LENG8: variants seen among roughly 807,000 people sequenced by gnomAD.
LENG8 encodes the protein leukocyte receptor cluster (LRC) member 8.
A neutral mutation model predicts 102.1 loss-of-function variants in LENG8; 28 were observed. The observed-to-expected ratio is 0.27, with a 90% CI of 0.20 to 0.38. The LOEUF (loss-of-function observed/expected upper bound fraction) is 0.38. Ranked by LOEUF, LENG8 falls within the 10% of genes least tolerant of loss-of-function variation. LENG8 has a pLI of 1.00. For missense variants in LENG8, 1,022 were observed against 1,113.9 expected (o/e 0.92, Z 1.17); for synonymous variants, 531 against 456.7 (o/e 1.16, Z -2.07).
At chr19:54,452,064 G>A in intron 2 of LENG8, 29 bp from the exon 3 acceptor site, 5 of 1,592,196 alleles carry the variant, frequency 3.1e-6, no homozygotes, top group Non-Finnish European at 4.3e-6. Context: ...GGGAGAACAG[G>A]TGTGACTTGA....
chr19:54,455,934 G>A, intron 8 of LENG8, 33 bp from the exon 9 acceptor site: 1 of 1,590,120 alleles, frequency 6.3e-7, no homozygotes, highest in Non-Finnish European at 8.6e-7. Flanking sequence ...TGTCTGGCGG[G>A]GTTGGTGACG....
chr19:54,450,761 C>T (rs1186499844), intron 1 of LENG8, among the ~76,000 whole-genome samples: 1 of 152,082 alleles, frequency 6.6e-6, no homozygotes, highest in Non-Finnish European at 1.5e-5. Flanking sequence ...GCTGGGATTA[C>T]AGGCATATGC....
At chr19:54,458,263 G>C in intron 14 of LENG8, 31 bp downstream of exon 14, 1 of 1,613,792 alleles carries the variant, frequency 6.2e-7, no homozygotes, top group East Asian at 2.2e-5. Context: ...CAGAGGCCAT[G>C]GTACCCAGGG....
At position 54,451,295 on chromosome 19, in the gene LENG8, GAAAAA is replaced by G; in HGVS notation, c.-49_-45del. On this transcript the variant is annotated 5_prime_UTR_variant, in exon 2 of 16. Transcript: ENST00000326764. ...ACTCATTCTTTTTCTCATAGACAGT[GAAAAA>G]GCAGTCTGGCTCCCGAGGTCCACCC... 4 of 1,603,904 alleles carry G rather than the reference GAAAAA, an allele frequency of 2.5e-6. No individual in the cohort carries two copies. The highest frequency in any genetic ancestry group is 3.4e-6 in the Non-Finnish European group (4 of 1,170,740).
chr19:54,455,667 C>G (rs1193997479), intron 8 of LENG8, 100 bp downstream of exon 8: 58 of 1,154,846 alleles, frequency 5.0e-5, no homozygotes, highest in Non-Finnish European at 6.8e-5. Flanking sequence ...ACCAGGAGCT[C>G]CAAAGAGAAA....
chr19:54,455,760 G>T (rs950164487), intron 8 of LENG8, among the ~76,000 whole-genome samples, 193 bp downstream of exon 8: 3 of 152,124 alleles, frequency 2.0e-5, no homozygotes, highest in Non-Finnish European at 4.4e-5. Flanking sequence ...ATGGGTGCTG[G>T]AGAGGCGTGC....
At chr19:54,450,585 G>A (rs1451634794) in intron 1 of LENG8, among the ~76,000 whole-genome samples, 4 of 144,956 alleles carry the variant, frequency 2.8e-5, no homozygotes, top group Non-Finnish European at 6.0e-5. Flanking sequence ...CATCCTCTTG[G>A]TTCAGGTTCC....
chr19:54,455,849 C>G, intron 8 of LENG8, 118 bp from the exon 9 acceptor site: 2 of 1,133,376 alleles, frequency 1.8e-6, no homozygotes, highest in South Asian at 3.2e-5. Flanking sequence ...AGTAGCTGAG[C>G]CGCCTGGGGT....
rs773630918 is a variant in LENG8 at position 54,456,066 on chromosome 19, C to T, written c.1125C>T (p.Gly375=). ...GAGGGGCAGGCTCGGCGACAAGGGG[C>T]GGGGGTGCCCCGTCCCAGCGAGGGA... ...PPRGAGSATR[G]GGAPSQRGTP... is the part of the protein sequence containing the mutation. The change falls in exon 9 of 16, where the codon GGC becomes GGT. Residue 375 remains glycine, a synonymous_variant. Transcript: ENST00000326764. 39 of 1,609,392 alleles carry T rather than the reference C, an allele frequency of 2.4e-5. No individual in the cohort carries two copies. The highest frequency in any genetic ancestry group is 5.5e-5 in the South Asian group (5 of 90,810).
chr19:54,460,638 G>T, intron 15 of LENG8, 128 bp from the exon 16 acceptor site: 1 of 1,435,476 alleles, frequency 7.0e-7, no homozygotes, highest in Non-Finnish European at 9.1e-7. Context: ...GGAGGCGGGT[G>T]GGGAGCCAGC....
intron 15 of LENG8, chr19:54,458,955 T>A: frequency 6.7e-7 from 1 of 1,488,582 alleles, no homozygotes; most frequent in Admixed American, 2.3e-5. Context: ...CCAGTCCCAC[T>A]CAGCTCCTTT....
chr19:54,457,066 A>G (rs7259898), intron 11 of LENG8, 145 bp downstream of exon 11: 565,094 of 952,274 alleles, frequency 0.59, 170,990 homozygotes, highest in East Asian at 0.66. Context: ...GCTGGTCGGC[A>G]TTCTGAGAGG....
rs147150923 is a variant in LENG8, at chr19:54,456,523, CATGGGAG to C, written c.1445+60_1445+66del. On this transcript the variant is annotated intron_variant, in intron 10 of 15. Coordinates refer to ENST00000326764, the MANE Select transcript of LENG8 (RefSeq NM_052925.4). Reference sequence around the variant, plus strand: ...AGGGTGGAGGAGGGTACTGGGGACCCATGGGAGAAGGAGGAGGAGGGCCGGACAGGTG... The same window carrying C: ...AGGGTGGAGGAGGGTACTGGGGACCCAAGGAGGAGGAGGGCCGGACAGGTG... 373 of 1,548,848 alleles carry C rather than the reference CATGGGAG, an allele frequency of 2.4e-4. No individual in the cohort carries two copies. The African/African-American group carries it at 4.7e-3, about 19-fold the overall frequency.
chr19:54,452,610 G>T (rs1569290336), intron 3 of LENG8, 41 bp from the exon 4 acceptor site: 1 of 1,523,270 alleles, frequency 6.6e-7, no homozygotes, highest in East Asian at 2.3e-5. Flanking sequence ...TGTGCCTGTG[G>T]ATTTGGGCTG....
chr19:54,460,610 C>A, intron 15 of LENG8, 156 bp from the exon 16 acceptor site: 3 of 1,429,950 alleles, frequency 2.1e-6, no homozygotes, highest in East Asian at 5.1e-5. Flanking sequence ...CCCCCGAGCC[C>A]CTGAGGTGGG....
chr19:54,451,415 G>C (rs2083953926), intron 2 of LENG8, 33 bp downstream of exon 2: 1 of 1,611,592 alleles, frequency 6.2e-7, no homozygotes, highest in South Asian at 1.1e-5. Flanking sequence ...AGGCCAGTCG[G>C]GAGGGAAAGA....
chr19:54,460,578 G>T, intron 15 of LENG8, 188 bp from the exon 16 acceptor site: 1 of 1,406,922 alleles, frequency 7.1e-7, no homozygotes, highest in South Asian at 1.5e-5. Flanking sequence ...GGGGACTGGG[G>T]TCACTAACCC....
chr19:54,456,093 G>T lies in LENG8; in HGVS notation c.1152G>T (p.Thr384=), dbSNP rs376962651. 5 of 1,608,810 alleles carry T rather than the reference G, an allele frequency of 3.1e-6. No homozygotes were observed. Among genetic ancestry groups the T allele is most frequent in the Non-Finnish European group, 4.2e-6 (5 of 1,176,836 alleles). ...RGGGAPSQRG[T]PGAGGAGRAR... ...GGGGTGCCCCGTCCCAGCGAGGGAC[G>T]CCCGGGGCTGGGGGTGCCGGTCGAG... Residue 384 remains threonine (T), a synonymous_variant, in exon 9 of 16, where the codon ACG becomes ACT. Coordinates refer to ENST00000326764, the MANE Select transcript of LENG8 (RefSeq NM_052925.4).
intron 13 of LENG8, 47 bp from the exon 14 acceptor site, chr19:54,458,056 T>G: frequency 6.2e-7 from 1 of 1,612,274 alleles, no homozygotes; most frequent in East Asian, 2.2e-5. Flanking sequence ...CGTTCTGCCC[T>G]CAGCACCCTC....
Sources: gnomAD v4.1 joint callset for allele counts (sites outside exome capture counted in the v4.1 genomes callset) on GRCh38, gnomAD v4.1.1 for gene constraint, MANE v1.5 for transcripts, NCBI Gene and HGNC (gene_info 2026-07-23, HGNC 2026-07-21) for gene names.